Variants in WDR20 observed in about 807,000 individuals in gnomAD.
WDR20 encodes WD repeat domain 20, also known as WD repeat-containing protein 20.
In WDR20, 3 loss-of-function variants were observed where a neutral mutation model predicts 38.7. The ratio of observed to expected loss-of-function variants is 0.08; its 90% CI spans 0.04 to 0.20. WDR20 has a LOEUF of 0.20. WDR20 is among the 10% of genes least tolerant of loss of function. WDR20 has a pLI of 1.00. For synonymous variants in WDR20, 298 were observed against 285.6 expected, an observed-to-expected ratio of 1.04 and a Z score of -0.44; for missense variants, 559 against 727.7, an observed-to-expected ratio of 0.77 and a Z score of 2.67.
chr14:102,209,500 G>T lies in WDR20; in HGVS notation c.1330G>T (p.Gly444Cys), dbSNP rs12888595. The T allele has an allele frequency of 0.011, 17,056 of 1,614,180 alleles. 134 individuals carry two copies. Among genetic ancestry groups the T allele is most frequent in the Non-Finnish European group, 0.012 (13,997 of 1,180,034 alleles). Residue 444 changes from glycine (G) to cysteine (C), a missense_variant, in exon 3 of 3, where the codon GGC becomes TGC. Coordinates refer to ENST00000342702, the MANE Select transcript of WDR20 (RefSeq NM_144574.4). The surrounding 1 kb of genome is among the most constrained non-coding windows in gnomAD (Gnocchi z 6.0). ...SLPHSAVSNA[G>C]SKSSVMDGAI... is the part of the protein sequence containing the mutation. ...TCCACATTCAGCAGTCTCAAATGCTGGCAGCAAAAGCAGTGTCATGGACGG... is the reference window on the plus strand; with the variant it reads ...TCCACATTCAGCAGTCTCAAATGCTTGCAGCAAAAGCAGTGTCATGGACGG...
chr14:102,182,547 G>A (rs1401441720), intron 1 of WDR20, among the ~76,000 whole-genome samples: 1 of 152,136 alleles, frequency 6.6e-6, no homozygotes, highest in African/African-American at 2.4e-5. Context: ...CATTTGCTCA[G>A]TGTTACAGTA....
chr14:102,189,454 T>G (rs2065789642), intron 1 of WDR20, among the ~76,000 whole-genome samples: 1 of 152,168 alleles, frequency 6.6e-6, no homozygotes, highest in African/African-American at 2.4e-5. Flanking sequence ...AATTTAAACT[T>G]TCCATAGAAA....
At chr14:102,152,492 G>T (rs2056257433) in intron 1 of WDR20, among the ~76,000 whole-genome samples, 1 of 150,076 alleles carries the variant, frequency 6.7e-6, no homozygotes, top group African/African-American at 2.5e-5. Flanking sequence ...TCGGCTCACT[G>T]CAGCCTCCGC....
At chr14:102,188,137 T>G (rs1297630297) in intron 1 of WDR20, among the ~76,000 whole-genome samples, 1 of 152,238 alleles carries the variant, frequency 6.6e-6, no homozygotes, top group East Asian at 1.9e-4. Flanking sequence ...GATTATAATT[T>G]GACACACATT....
chr14:102,199,528 G>A (rs552492405), intron 2 of WDR20, among the ~76,000 whole-genome samples: 4 of 152,244 alleles, frequency 2.6e-5, no homozygotes, highest in African/African-American at 7.2e-5. Context: ...GAGGCTGAGG[G>A]TTGGCCCGCT....
chr14:102,222,165 G>T lies in WDR20; in HGVS notation c.1693-665G>T, dbSNP rs2063969099. The stretch of plus-strand genomic sequence containing the variant: ...ATGCCCCCCACCATTCTTCCTGCTG[G>T]CCCTGGTGGGTTGGCCCCCACATCC... On this transcript the variant is annotated intron_variant, in intron 3 of 3. Coordinates refer to the WDR20 transcript ENST00000335263. The surrounding 1 kb of genome is among the most constrained non-coding windows in gnomAD (Gnocchi z 4.4). 6.6e-6 allele frequency among the ~76,000 whole-genome samples: 1 copy of T among 151,386 alleles called. No homozygotes were observed.
chr14:102,172,448 C>T (rs1247208856), intron 1 of WDR20, among the ~76,000 whole-genome samples: 1 of 150,944 alleles, frequency 6.6e-6, no homozygotes, highest in Non-Finnish European at 1.5e-5. Context: ...GGGTGGTGGC[C>T]GGGCAGAGGG....
intron 1 of WDR20, among the ~76,000 whole-genome samples, chr14:102,160,668 C>T (rs561850789): frequency 2.3e-4 from 35 of 151,868 alleles, no homozygotes; most frequent in African/African-American, 7.7e-4. Flanking sequence ...AATGGCCGGG[C>T]GCGGTGGCTC....
rs1369897890 is a variant in WDR20, at chr14:102,161,140, A to AT, written c.249+20969dup. Among the ~76,000 whole-genome samples, 102 of 10,796 alleles carry AT rather than the reference A, an allele frequency of 9.4e-3. 1 individual carries two copies. Among genetic ancestry groups the AT allele is most frequent in the African/African-American group, 0.037 (97 of 2,594 alleles). The allele number at this position is 10,796 out of a possible 152,430, so 7.1% of individuals were successfully genotyped here. Reference sequence around the variant, plus strand: ...TAACTGCATATATATATATATATATATATTTTTTTTTTTTTTTTTTTTTTT... The same window carrying AT: ...TAACTGCATATATATATATATATATATTATTTTTTTTTTTTTTTTTTTTTTT... On this transcript the variant is annotated intron_variant, in intron 1 of 2. Transcript: ENST00000342702.
At chr14:102,154,453 A>G (rs1265536169) in intron 1 of WDR20, among the ~76,000 whole-genome samples, 1 of 152,218 alleles carries the variant, frequency 6.6e-6, no homozygotes, top group Non-Finnish European at 1.5e-5. Flanking sequence ...CCACACCACC[A>G]TGATCTAATC....
upstream of WDR20, chr14:102,139,835 G>T (rs966016417): frequency 2.3e-5 from 35 of 1,547,488 alleles, no homozygotes; most frequent in South Asian, 6.1e-5. Context: ...GAAGAGGCAG[G>T]GGGTGGGGGA....
At chr14:102,217,457 G>T (rs1034641878), downstream of WDR20, among the ~76,000 whole-genome samples, 1 of 152,196 alleles carries the variant, frequency 6.6e-6, no homozygotes, top group Non-Finnish European at 1.5e-5. Context: ...AGGTTGAGTG[G>T]CATCTGGGCA....
At chr14:102,155,340 C>G (rs1261233902) in intron 1 of WDR20, among the ~76,000 whole-genome samples, 1 of 152,206 alleles carries the variant, frequency 6.6e-6, no homozygotes, top group Non-Finnish European at 1.5e-5. Flanking sequence ...ATTCTACTAT[C>G]TCTCACATGT....
downstream of WDR20, chr14:102,212,825 G>A: frequency 7.5e-7 from 1 of 1,338,758 alleles, no homozygotes; most frequent in Non-Finnish European, 9.6e-7. Context: ...AAATTTTTCA[G>A]TCTTTCAGCC....
chr14:102,187,319 A>G (rs2065073287), intron 1 of WDR20, among the ~76,000 whole-genome samples: 2 of 152,156 alleles, frequency 1.3e-5, no homozygotes, highest in African/African-American at 2.4e-5. Flanking sequence ...TTCACAATAT[A>G]TGGAACATAG....
At position 102,177,065 on chromosome 14, in the gene WDR20, G is replaced by A. The variant is rs1596336077; in HGVS notation, c.250-17873G>A. Among the ~76,000 whole-genome samples the A allele has an allele frequency of 2.6e-5, 4 of 152,076 alleles. No individual in the cohort carries two copies. In the South Asian group the frequency reaches 8.3e-4, roughly 32 times the overall value. Reference sequence around the variant, plus strand: ...TTTCTACCATGTGGCTAACTTGCCCGAGATTTGTAATGGTTCACTTTACTG... The same window carrying A: ...TTTCTACCATGTGGCTAACTTGCCCAAGATTTGTAATGGTTCACTTTACTG... On this transcript the variant is annotated intron_variant, in intron 1 of 2. Transcript: ENST00000342702.
At chr14:102,189,890 A>C (rs1008261503) in intron 1 of WDR20, among the ~76,000 whole-genome samples, 2 of 152,248 alleles carry the variant, frequency 1.3e-5, no homozygotes, top group Non-Finnish European at 2.9e-5. Context: ...GAATGAATTA[A>C]GTACTTGAGA....
intron 1 of WDR20, among the ~76,000 whole-genome samples, chr14:102,189,856 AG>A (rs1227571958): frequency 6.6e-6 from 1 of 152,208 alleles, no homozygotes; most frequent in Non-Finnish European, 1.5e-5. Flanking sequence ...AAATCATATA[AG>A]TGATTAAATA....
intron 1 of WDR20, among the ~76,000 whole-genome samples, chr14:102,145,661 C>T (rs1041189780): frequency 2.6e-5 from 4 of 152,248 alleles, no homozygotes; most frequent in South Asian, 2.1e-4. Context: ...GTCCCACCTA[C>T]TTGGAAGGCT....
Sources: gnomAD v4.1 joint callset for allele counts (sites outside exome capture counted in the v4.1 genomes callset) on GRCh38, gnomAD v4.1.1 for gene constraint, Gnocchi (gnomAD v3.1) non-coding constraint, MANE v1.5 for transcripts, NCBI Gene and HGNC (gene_info 2026-07-23, HGNC 2026-07-21) for gene names.